The following ZNF595 variants were observed in gnomAD, a reference collection of about 807,000 sequenced individuals.
The protein encoded by ZNF595 is zinc finger protein 595.
ZNF595 carries 9 observed loss-of-function variants against 19.4 expected under a neutral mutation model. The ratio of observed to expected loss-of-function variants is 0.46; its 90% CI spans 0.28 to 0.81. The LOEUF (loss-of-function observed/expected upper bound fraction) is 0.81, where lower values mean the gene tolerates loss of function less well. Among genes scored for constraint, ZNF595 ranks in the 30% least tolerant of loss-of-function variants. The pLI is 0.11. For missense variants in ZNF595, 729 were observed against 736.0 expected (o/e 0.99, Z 0.11); for synonymous variants, 255 against 255.9 (o/e 1.00, Z 0.03).
chr4:76,704 CA>C (rs1469814725), intron 3 of ZNF595, among the ~76,000 whole-genome samples: 2 of 152,136 alleles, frequency 1.3e-5, no homozygotes, highest in African/African-American at 4.8e-5. Flanking sequence ...ACAGTTTTGT[CA>C]GGTATACTCT....
chr4:73,091 T>C (rs1713498107), intron 3 of ZNF595, among the ~76,000 whole-genome samples: 2 of 152,166 alleles, frequency 1.3e-5, no homozygotes, highest in South Asian at 4.1e-4. Flanking sequence ...ATGGGGCTCT[T>C]CCTAGATATT....
intron 3 of ZNF595, among the ~76,000 whole-genome samples, chr4:82,372 GTTTTTTTT>G (rs34932652): frequency 1.2e-5 from 1 of 85,922 alleles, no homozygotes; most frequent in East Asian, 3.4e-4. Flanking sequence ...TTGGTTTGTG[GTTTTTTTT>G]TTTTTTTTTT....
rs575698973 is a variant in ZNF595 at position 87,142 on chromosome 4, T to C, written c.1638T>C (p.Thr546=). The part of the protein sequence containing the change: ...YKCEECGKAF[T]RSTALNEHKK... Reference sequence around the variant, plus strand: ...GTGAAGAATGTGGCAAAGCCTTTACTCGGTCCACAGCCCTGAATGAACATA... The same window carrying C: ...GTGAAGAATGTGGCAAAGCCTTTACCCGGTCCACAGCCCTGAATGAACATA... Residue 546 remains threonine, a synonymous_variant, in exon 4 of 4, where the codon ACT becomes ACC. Transcript: ENST00000610261. 6.2e-7 allele frequency: 1 copy of C among 1,612,530 alleles called. No homozygotes were observed. Among genetic ancestry groups the C allele is most frequent in the Non-Finnish European group, 8.5e-7 (1 of 1,179,598 alleles).
intron 3 of ZNF595, among the ~76,000 whole-genome samples, chr4:61,501 A>G (rs1581323630): frequency 1.3e-5 from 2 of 152,230 alleles, no homozygotes; most frequent in Admixed American, 6.5e-5. Flanking sequence ...AGTGTATATT[A>G]AGCTCTCAAT....
At chr4:66,248 A>G (rs1302804659) in intron 3 of ZNF595, among the ~76,000 whole-genome samples, 2 of 151,588 alleles carry the variant, frequency 1.3e-5, no homozygotes, top group Admixed American at 1.3e-4. Context: ...CATTTTTCTA[A>G]AGATTAGAAT....
intron 3 of ZNF595, among the ~76,000 whole-genome samples, chr4:70,341 C>CT (rs111892917): frequency 0.016 from 2,287 of 143,798 alleles, 45 homozygotes; most frequent in African/African-American, 0.045. Flanking sequence ...GATAAATATC[C>CT]TTTTTTTTTT....
At chr4:74,811 G>A (rs1019909443) in intron 3 of ZNF595, among the ~76,000 whole-genome samples, 9 of 152,252 alleles carry the variant, frequency 5.9e-5, no homozygotes, top group East Asian at 3.9e-4. Context: ...TGTCAGTGGC[G>A]GAGAGGTGAC....
Position 86,756 on chromosome 4 carries a change from C to T in ZNF595, c.1252C>T (p.His418Tyr), listed in dbSNP as rs782677217. 2 of 1,613,702 alleles carry T rather than the reference C, an allele frequency of 1.2e-6. No individual in the cohort carries two copies. Among genetic ancestry groups the T allele is most frequent in the South Asian group, 1.1e-5 (1 of 91,058 alleles). Residue 418 changes from histidine to tyrosine, a missense_variant, in exon 4 of 4, where the codon CAT becomes TAT. Transcript: ENST00000610261. ...SSHLAKHKRI[H>Y]TGEKPYTCEE... ...ACACCTTGCTAAACATAAGAGAATT[C>T]ATACTGGAGAGAAACCCTACACGTG...
At chr4:62,068 T>A (rs1188795056) in intron 3 of ZNF595, among the ~76,000 whole-genome samples, 1 of 122,100 alleles carries the variant, frequency 8.2e-6, no homozygotes, top group Non-Finnish European at 1.7e-5. Context: ...AAGCATACTT[T>A]ACAGTATTAC....
chr4:74,494 T>G (rs1001884815), intron 3 of ZNF595, among the ~76,000 whole-genome samples: 2 of 152,236 alleles, frequency 1.3e-5, no homozygotes, highest in Non-Finnish European at 2.9e-5. Context: ...AGGTCTCAGT[T>G]AATTTAGAAA....
chr4:83,650 GAAA>G (rs1183883581), intron 3 of ZNF595, among the ~76,000 whole-genome samples: 1 of 124,448 alleles, frequency 8.0e-6, no homozygotes, highest in Non-Finnish European at 1.7e-5. Context: ...AAAAAAGAAA[GAAA>G]GAAAGAAAAA....
chr4:79,033 T>C (rs1018359733), intron 3 of ZNF595, among the ~76,000 whole-genome samples: 2 of 152,242 alleles, frequency 1.3e-5, no homozygotes, highest in Non-Finnish European at 2.9e-5. Flanking sequence ...TAAGTACATT[T>C]ACTTTATTTT....
intron 3 of ZNF595, among the ~76,000 whole-genome samples, chr4:83,935 T>C (rs2108762439): frequency 6.6e-6 from 1 of 152,228 alleles, no homozygotes; most frequent in South Asian, 2.1e-4. Flanking sequence ...TTGTCCCTTA[T>C]TTTCTTTTCT....
rs1714282021 is a variant in ZNF595 at position 87,514 on chromosome 4, G to A, written c.*63G>A. On this transcript the variant is annotated 3_prime_UTR_variant, in exon 4 of 4. Transcript: ENST00000610261. ...CACAGCAAATAAATTGGAGAATATT[G>A]CTCCCATATAAACTTGTATTATTTT... 7.3e-7 allele frequency: 1 copy of A among 1,368,494 alleles called. No individual in the cohort carries two copies. The highest frequency in any genetic ancestry group is 9.6e-7 in the Non-Finnish European group (1 of 1,036,910). 84.8% of individuals were successfully genotyped at this position (1,368,494 alleles called of 1,614,324 possible). A position where few individuals can be genotyped will look rare whatever the true frequency, so the allele number is the denominator to read the frequency against.
intron 3 of ZNF595, among the ~76,000 whole-genome samples, chr4:84,383 C>T (rs1714047526): frequency 6.6e-6 from 1 of 152,126 alleles, no homozygotes; most frequent in Admixed American, 6.5e-5. Context: ...CATTTCTTTT[C>T]TAAGGCAGGT....
At chr4:74,098 AG>A (rs1713544770) in intron 3 of ZNF595, among the ~76,000 whole-genome samples, 1 of 152,142 alleles carries the variant, frequency 6.6e-6, no homozygotes, top group Non-Finnish European at 1.5e-5. Flanking sequence ...GCTTGAGCTC[AG>A]GGGTTCGACA....
At chr4:84,100 C>T (rs1244843684) in intron 3 of ZNF595, among the ~76,000 whole-genome samples, 1 of 152,124 alleles carries the variant, frequency 6.6e-6, no homozygotes, top group Non-Finnish European at 1.5e-5. Flanking sequence ...AATTCTTCCT[C>T]ATTACATCTG....
intron 1 of ZNF595, among the ~76,000 whole-genome samples, chr4:55,851 A>AT (rs1712622313): frequency 6.7e-6 from 1 of 148,214 alleles, no homozygotes; most frequent in East Asian, 2.0e-4. Context: ...ATTTTCTTAG[A>AT]TTGCTTGTGA....
chr4:69,418 T>C (rs1713337749), intron 3 of ZNF595, among the ~76,000 whole-genome samples: 1 of 152,228 alleles, frequency 6.6e-6, no homozygotes, highest in South Asian at 2.1e-4. Context: ...TTGACTGACT[T>C]TTGGATAAGA....
Sources: gnomAD v4.1 joint callset for allele counts (sites outside exome capture counted in the v4.1 genomes callset) on GRCh38, gnomAD v4.1.1 for gene constraint, MANE v1.5 for transcripts, NCBI Gene and HGNC (gene_info 2026-07-23, HGNC 2026-07-21) for gene names.